The following DCX variants were observed in gnomAD, a reference collection of about 807,000 sequenced individuals.
DCX encodes neuronal migration protein doublecortin.
DCX carries 4 observed loss-of-function variants against 20.9 expected under a neutral mutation model. The observed-to-expected ratio is 0.19, with a 90% confidence interval of 0.09 to 0.44. DCX has a LOEUF of 0.44. DCX is among the 20% of genes least tolerant of loss of function. The pLI is 0.99. For missense variants in DCX, 133 were observed against 296.9 expected, an observed-to-expected ratio of 0.45 and a Z score of 4.06; for synonymous variants, 103 against 111.4, an observed-to-expected ratio of 0.92 and a Z score of 0.47.
chrX:111,308,639 G>A (rs1487902265), intron 6 of DCX, among the ~76,000 whole-genome samples: 1 of 111,036 alleles, frequency 9.0e-6, no homozygotes, highest in Non-Finnish European at 1.9e-5. Context: ...ACTCATCAAA[G>A]GGCCTCTCCA....
rs769177693 is a variant in DCX at position 111,365,848 on chromosome X, G to A, written c.706-32695C>T. ...GTATCTTGCTTCTTTGTTTAACACTGGGTTTCTCAGCCTTGGCACTATTGA... is the reference window on the plus strand; with the variant it reads ...GTATCTTGCTTCTTTGTTTAACACTAGGTTTCTCAGCCTTGGCACTATTGA... On this transcript the variant is annotated intron_variant, in intron 3 of 6. Coordinates refer to ENST00000636035, the MANE Select transcript of DCX (RefSeq NM_001195553.2). 8.1e-5 allele frequency among the ~76,000 whole-genome samples: 9 copies of A among 111,342 alleles called. No individual in the cohort carries two copies. In the East Asian group the frequency reaches 2.6e-3, roughly 32 times the overall value.
At chrX:111,341,692 C>A (rs1369249440) in intron 3 of DCX, among the ~76,000 whole-genome samples, 1 of 111,882 alleles carries the variant, frequency 8.9e-6, no homozygotes. Context: ...AGAAACTCTA[C>A]AAGCCAGAAG....
At chrX:111,398,040 G>A (rs781712384) in intron 3 of DCX, among the ~76,000 whole-genome samples, 5 of 110,340 alleles carry the variant, frequency 4.5e-5, no homozygotes, top group Non-Finnish European at 9.5e-5. Flanking sequence ...AATTCTCTTT[G>A]GAGAGCTTTT....
At chrX:111,334,600 T>C (rs1458926025) in intron 3 of DCX, among the ~76,000 whole-genome samples, 3 of 112,384 alleles carry the variant, frequency 2.7e-5, no homozygotes, top group African/African-American at 9.7e-5. Flanking sequence ...GAGAAAACTG[T>C]GACCCAGAGA....
At chrX:111,381,827 G>A (rs1016223774) in intron 3 of DCX, among the ~76,000 whole-genome samples, 3 of 111,796 alleles carry the variant, frequency 2.7e-5, no homozygotes, top group African/African-American at 9.7e-5. Context: ...GTTTCAGCTT[G>A]TATTAAAGAT....
intron 3 of DCX, among the ~76,000 whole-genome samples, chrX:111,363,156 T>C (rs1242823092): frequency 1.8e-5 from 2 of 111,238 alleles, no homozygotes; most frequent in Non-Finnish European, 3.8e-5. Context: ...ACCTTGTTAA[T>C]GGGCAGGAAG....
rs1345617286 is a variant in DCX at position 111,330,999 on chromosome X, G to A, written c.851C>T (p.Pro284Leu). ...CTTCTGAGGTGTTGGGGATGCCTTT[G>A]GGCCAGCTGTGGCTGATGGGTTTCC... is the stretch of plus-strand genomic sequence containing the variant. ...MKGNPSATAGPKASPTPQKTS... is the reference protein window; with the variant it reads ...MKGNPSATAGLKASPTPQKTS... Residue 284 changes from proline to leucine, a missense_variant, in exon 5 of 7, where the codon CCA becomes CTA. By Grantham distance (98) the Pro-to-Leu change is moderately conservative. Around this residue, in one of 2 missense-constraint regions of DCX, gnomAD observed 68 missense variants for 84.3 expected, o/e 0.81. Coordinates refer to ENST00000636035, the MANE Select transcript of DCX (RefSeq NM_001195553.2). 2 of 1,211,879 alleles carry A rather than the reference G, an allele frequency of 1.7e-6. No individual in the cohort carries two copies. The highest frequency in any genetic ancestry group is 2.2e-6 in the Non-Finnish European group (2 of 895,432).
intron 5 of DCX, among the ~76,000 whole-genome samples, chrX:111,320,841 T>A (rs183509286): frequency 1.5e-3 from 155 of 103,554 alleles, no homozygotes; most frequent in African/African-American, 4.5e-3. Flanking sequence ...TCTCTCTCTC[T>A]CACACACACA....
chrX:111,317,950 G>T (rs1185428520), intron 5 of DCX, among the ~76,000 whole-genome samples: 4 of 110,435 alleles, frequency 3.6e-5, no homozygotes, highest in Non-Finnish European at 7.6e-5. Context: ...ACTTTGGGAG[G>T]CTGAGGCAGG....
chrX:111,303,223 G>A (rs184305445), intron 6 of DCX, among the ~76,000 whole-genome samples: 1,188 of 109,200 alleles, frequency 0.011, 14 homozygotes, highest in Middle Eastern at 0.038. Context: ...GAGTAGCTGG[G>A]ATTACAGGCG....
At chrX:111,359,687 T>A (rs1340596767) in intron 3 of DCX, among the ~76,000 whole-genome samples, 1 of 112,033 alleles carries the variant, frequency 8.9e-6, no homozygotes, top group East Asian at 2.8e-4. Context: ...AACAGTCCAA[T>A]AGAAAATGGG....
At chrX:111,390,871 T>C (rs1457472476) in intron 3 of DCX, among the ~76,000 whole-genome samples, 1 of 109,583 alleles carries the variant, frequency 9.1e-6, no homozygotes. Flanking sequence ...TGGTGGTCCA[T>C]GCCTGTAGTC....
At chrX:111,323,892 T>C (rs2095093163) in intron 5 of DCX, among the ~76,000 whole-genome samples, 1 of 110,809 alleles carries the variant, frequency 9.0e-6, no homozygotes, top group Non-Finnish European at 1.9e-5. Flanking sequence ...AGACATCAGG[T>C]CATAAGAGAA....
At chrX:111,389,340 T>C (rs1926760466) in intron 3 of DCX, among the ~76,000 whole-genome samples, 1 of 111,436 alleles carries the variant, frequency 9.0e-6, no homozygotes, top group Non-Finnish European at 1.9e-5. Flanking sequence ...CCCACCCATT[T>C]AATGCAAATG....
intron 6 of DCX, among the ~76,000 whole-genome samples, chrX:111,306,931 A>G (rs2095046602): frequency 9.0e-6 from 1 of 111,516 alleles, no homozygotes; most frequent in South Asian, 3.8e-4. Flanking sequence ...AGGGAAATGT[A>G]TATGAAATGT....
chrX:111,382,533 A>T (rs977120428), intron 3 of DCX, among the ~76,000 whole-genome samples: 1 of 112,115 alleles, frequency 8.9e-6, no homozygotes, highest in Non-Finnish European at 1.9e-5. Context: ...TGAGCCCAGC[A>T]GAGAAGCATT....
At chrX:111,406,363 T>C (rs978977517) in intron 2 of DCX, among the ~76,000 whole-genome samples, 2 of 112,272 alleles carry the variant, frequency 1.8e-5, no homozygotes, top group Admixed American at 9.5e-5. Flanking sequence ...AACATAATCA[T>C]TGTCATAATC....
At chrX:111,359,429 G>A (rs894038480) in intron 3 of DCX, among the ~76,000 whole-genome samples, 36 of 111,835 alleles carry the variant, frequency 3.2e-4, no homozygotes, top group African/African-American at 6.8e-4. Context: ...AACAATAAGC[G>A]TATTTGAAGA....
chrX:111,376,370 A>G (rs935047308), intron 3 of DCX, among the ~76,000 whole-genome samples: 1 of 111,736 alleles, frequency 8.9e-6, no homozygotes, highest in Non-Finnish European at 1.9e-5. Flanking sequence ...TCTTTGCTGT[A>G]TGAAAATGAG....
Sources: allele counts gnomAD v4.1 joint callset (sites outside exome capture counted in the v4.1 genomes callset), GRCh38; gene constraint gnomAD v4.1.1; regional missense constraint gnomAD v4.1.1; transcripts MANE v1.5; gene names NCBI Gene and HGNC (gene_info 2026-07-23, HGNC 2026-07-21).